FANCI: variants seen among roughly 807,000 people sequenced by gnomAD.
FANCI encodes the protein Fanconi anemia group I protein.
A neutral mutation model predicts 176.1 loss-of-function variants in FANCI; 156 were observed. The ratio of observed to expected loss-of-function variants is 0.89; its 90% CI spans 0.78 to 1.01. The LOEUF (loss-of-function observed/expected upper bound fraction) is 1.01, where lower values mean the gene tolerates loss of function less well. Among genes scored for constraint, FANCI ranks in the 50% least tolerant of loss-of-function variants. The probability of loss-of-function intolerance (pLI) is 0.00; values close to 1 mark genes in which losing one functional copy is unlikely to be tolerated. For synonymous variants in FANCI, 613 were observed against 541.7 expected (o/e 1.13, Z -1.83); for missense variants, 1,678 against 1,534.1 (o/e 1.09, Z -1.57).
intron 19 of FANCI, 105 bp from the exon 20 acceptor site, chr15:89,291,506 ATG>A: frequency 1.1e-6 from 1 of 874,336 alleles, no homozygotes. Flanking sequence ...CAGTTGGGAA[ATG>A]TGTGTTAGAA....
intron 20 of FANCI, among the ~76,000 whole-genome samples, 167 bp from the exon 21 acceptor site, chr15:89,292,521 G>A (rs2054106741): frequency 6.6e-6 from 1 of 152,168 alleles, no homozygotes; most frequent in African/African-American, 2.4e-5. Context: ...GGATGCTGCT[G>A]TTCAATTAAT....
chr15:89,268,767 T>C (rs143832430), intron 10 of FANCI: 1 of 470,530 alleles, frequency 2.1e-6, no homozygotes, highest in Non-Finnish European at 3.8e-6. Context: ...AAGTTCTATT[T>C]AAAAAAACCC....
chr15:89,308,754 G>C (rs1424474534), intron 34 of FANCI, among the ~76,000 whole-genome samples: 1 of 152,058 alleles, frequency 6.6e-6, no homozygotes, highest in Non-Finnish European at 1.5e-5. Context: ...AGACCAGCCT[G>C]GCCAACATGG....
At position 89,314,473 on chromosome 15, in the gene FANCI, T is replaced by G. The variant is rs1395502596; in HGVS notation, c.3721-139T>G. 3 of 643,930 alleles carry G rather than the reference T, an allele frequency of 4.7e-6. No individual in the cohort carries two copies. The Admixed American group carries it at 7.5e-5, about 16-fold the overall frequency. The allele number at this position is 643,930 out of a possible 1,614,324, so 39.9% of individuals were successfully genotyped here. A position where few individuals can be genotyped will look rare whatever the true frequency, so the allele number is the denominator to read the frequency against. On this transcript the variant is annotated intron_variant, in intron 35 of 37. Coordinates refer to ENST00000310775, the MANE Select transcript of FANCI (RefSeq NM_001113378.2). ...GATTGAACTGCCAAAAATTTTAGATTACTGGTATACAACTGCATTTGATTG... is the reference window on the plus strand; with the variant it reads ...GATTGAACTGCCAAAAATTTTAGATGACTGGTATACAACTGCATTTGATTG...
At chr15:89,270,508 C>A (rs191507166) in intron 10 of FANCI, among the ~76,000 whole-genome samples, 1 of 151,972 alleles carries the variant, frequency 6.6e-6, no homozygotes, top group Non-Finnish European at 1.5e-5. Context: ...AATTTTATAT[C>A]TTATTTTTTT....
chr15:89,253,934 C>G (rs996132308), intron 2 of FANCI, among the ~76,000 whole-genome samples: 3 of 151,924 alleles, frequency 2.0e-5, no homozygotes, highest in Non-Finnish European at 4.4e-5. Flanking sequence ...AGATAGTGAT[C>G]CACCTGCCTT....
rs567043630 is a variant in FANCI, at chr15:89,258,858, T to C, written c.157+82T>C. The C allele has an allele frequency of 8.6e-6, 9 of 1,051,972 alleles. No homozygotes were observed. The East Asian group carries it at 1.9e-4, about 22-fold the overall frequency. The allele number at this position is 1,051,972 out of a possible 1,614,324, so 65.2% of individuals were successfully genotyped here. ...TAGTTTTCGTACTTTTCTTACGGTT[T>C]GAAGCCCCACTGGAACATTTTCCAT... On this transcript the variant is annotated intron_variant, in intron 3 of 37. Transcript: ENST00000310775.
At chr15:89,250,601 G>A (rs889877748) in intron 2 of FANCI, among the ~76,000 whole-genome samples, 1 of 151,090 alleles carries the variant, frequency 6.6e-6, no homozygotes, top group Non-Finnish European at 1.5e-5. Context: ...TGTAAATGAC[G>A]AGTTAATGGG....
At chr15:89,311,312 G>A (rs1413914811) in intron 34 of FANCI, among the ~76,000 whole-genome samples, 2 of 152,074 alleles carry the variant, frequency 1.3e-5, no homozygotes, top group Admixed American at 6.6e-5. Flanking sequence ...CCAGCTACTC[G>A]GGAAGCTGAG....
At chr15:89,271,960 G>T (rs985441933) in intron 10 of FANCI, among the ~76,000 whole-genome samples, 13 of 152,072 alleles carry the variant, frequency 8.5e-5, no homozygotes, top group Admixed American at 3.3e-4. Context: ...TTTCTTTTGT[G>T]CATATATCCA....
At chr15:89,316,232 T>C (rs2055249148) in intron 37 of FANCI, 165 bp from the exon 38 acceptor site, 2 of 723,554 alleles carry the variant, frequency 2.8e-6, no homozygotes, top group Non-Finnish European at 4.8e-6. Context: ...GAGGACTCCT[T>C]CCTCTTCTTC....
chr15:89,270,881 C>G (rs1180299267), intron 10 of FANCI, among the ~76,000 whole-genome samples: 4 of 152,140 alleles, frequency 2.6e-5, no homozygotes, highest in Non-Finnish European at 5.9e-5. Context: ...AGCCATGTCT[C>G]TAAAAAGCCC....
chr15:89,282,031 T>A, intron 16 of FANCI, 196 bp downstream of exon 16: 1 of 574,790 alleles, frequency 1.7e-6, no homozygotes. Flanking sequence ...AGCAACCCTA[T>A]GAAGTAAGAA....
At chr15:89,302,910 T>C (rs1012880260) in intron 27 of FANCI, among the ~76,000 whole-genome samples, 1 of 152,088 alleles carries the variant, frequency 6.6e-6, no homozygotes, top group African/African-American at 2.4e-5. Context: ...GGTAATAAAG[T>C]CCTATGATTT....
chr15:89,316,389 C>G lies in FANCI; in HGVS notation c.3925-8C>G, dbSNP rs1193345847. On this transcript the variant is annotated splice_region_variant and splice_polypyrimidine_tract_variant and intron_variant, in intron 37 of 37. Coordinates refer to ENST00000310775, the MANE Select transcript of FANCI (RefSeq NM_001113378.2). ...TCACGTTAGAGCATTAATTCTTTCC[C>G]CTTCTAGGGCACTGCATCAGAGCAT... The G allele has an allele frequency of 1.2e-6, 2 of 1,610,236 alleles. No individual in the cohort carries two copies. Among genetic ancestry groups the G allele is most frequent in the African/African-American group, 2.7e-5 (2 of 74,722 alleles).
At position 89,281,817 on chromosome 15, in the gene FANCI, G is replaced by A. The variant is rs759551977; in HGVS notation, c.1565G>A (p.Arg522Gln). 6.8e-6 allele frequency: 11 copies of A among 1,613,610 alleles called. No individual in the cohort carries two copies. The highest frequency in any genetic ancestry group is 1.6e-4 in the Middle Eastern group (1 of 6,082). The change falls in exon 16 of 38, where the codon CGG becomes CAG. Residue 522 changes from arginine (R) to glutamine (Q), a missense_variant. Arg to Gln is a conservative substitution (Grantham distance 43, BLOSUM62 1). Coordinates refer to ENST00000310775, the MANE Select transcript of FANCI (RefSeq NM_001113378.2). Reference sequence around the variant, plus strand: ...AGAGACTGCTTGATACTTGTCCTTCGGAAAGCTATGTTTGCCAAGTATGTA... The same window carrying A: ...AGAGACTGCTTGATACTTGTCCTTCAGAAAGCTATGTTTGCCAAGTATGTA... ...SMRDCLILVL[R>Q]KAMFANQLDA...
intron 27 of FANCI, 103 bp from the exon 28 acceptor site, chr15:89,303,761 C>T: frequency 1.1e-6 from 1 of 950,900 alleles, no homozygotes; most frequent in Non-Finnish European, 1.7e-6. Context: ...GTTTTGGCAG[C>T]TGATTTGCTT....
chr15:89,306,345 G>C, intron 32 of FANCI, 151 bp downstream of exon 32: 2 of 788,842 alleles, frequency 2.5e-6, no homozygotes, highest in Non-Finnish European at 4.3e-6. Context: ...TTTTAGTTTG[G>C]TCAGTAGGTG....
chr15:89,303,923 T>G lies in FANCI; in HGVS notation c.3058+8T>G. On this transcript the variant is annotated splice_region_variant and intron_variant, in intron 28 of 37. Transcript: ENST00000310775. ...GCAAGGAAAACAGCCGGGGTAAGTTTACTGCCATGTTTTCCTAAAGGCTTT... is the reference window on the plus strand; with the variant it reads ...GCAAGGAAAACAGCCGGGGTAAGTTGACTGCCATGTTTTCCTAAAGGCTTT... 1 of 1,613,648 alleles carries G rather than the reference T, an allele frequency of 6.2e-7. No individual in the cohort carries two copies. The highest frequency in any genetic ancestry group is 8.5e-7 in the Non-Finnish European group (1 of 1,179,508).
Sources: gnomAD v4.1 joint callset for allele counts (sites outside exome capture counted in the v4.1 genomes callset) on GRCh38, gnomAD v4.1.1 for gene constraint, MANE v1.5 for transcripts, NCBI Gene and HGNC (gene_info 2026-07-23, HGNC 2026-07-21) for gene names.